Variants in ZC3HC1 observed in about 807,000 individuals in gnomAD.
The protein encoded by ZC3HC1 is zinc finger C3HC-type protein 1.
A neutral mutation model predicts 61.9 loss-of-function variants in ZC3HC1; 38 were observed. That is an observed-to-expected ratio of 0.61 (90% CI 0.47 to 0.81). The LOEUF (loss-of-function observed/expected upper bound fraction) is 0.81. ZC3HC1 is among the 30% of genes least tolerant of loss of function. The probability of loss-of-function intolerance (pLI) is 0.00; values close to 1 mark genes in which losing one functional copy is unlikely to be tolerated. For synonymous variants in ZC3HC1, 213 were observed against 229.9 expected, an observed-to-expected ratio of 0.93 and a Z score of 0.67; for missense variants, 554 against 622.7, an observed-to-expected ratio of 0.89 and a Z score of 1.17.
chr7:130,029,832 T>G (rs2116698734), intron 4 of ZC3HC1, among the ~76,000 whole-genome samples: 1 of 152,326 alleles, frequency 6.6e-6, no homozygotes, highest in African/African-American at 2.4e-5. Flanking sequence ...TACCAAGTTA[T>G]AACTTACTGT....
chr7:130,036,608 A>T (rs1347092322), intron 4 of ZC3HC1: 1 of 152,218 alleles, frequency 6.6e-6, no homozygotes, highest in Non-Finnish European at 1.5e-5. Context: ...AAAGAAATTT[A>T]ATTTAGCTTA....
chr7:130,025,870 C>CAAAAAAA (rs71175064), intron 6 of ZC3HC1, among the ~76,000 whole-genome samples: 8 of 58,566 alleles, frequency 1.4e-4, no homozygotes, highest in Admixed American at 5.5e-4. Context: ...GACTCCGTCT[C>CAAAAAAA]AAAAAAAAAA....
intron 4 of ZC3HC1, among the ~76,000 whole-genome samples, chr7:130,035,899 C>A (rs1794413664): frequency 6.6e-6 from 1 of 152,158 alleles, no homozygotes; most frequent in Non-Finnish European, 1.5e-5. Flanking sequence ...ACTTGAAGGT[C>A]TCAACACTTT....
rs1793680760 is a variant in ZC3HC1 at position 130,022,327 on chromosome 7, C to T, written c.1432G>A (p.Asp478Asn). 6.2e-7 allele frequency: 1 copy of T among 1,614,188 alleles called. No individual in the cohort carries two copies. Among genetic ancestry groups the T allele is most frequent in the Non-Finnish European group, 8.5e-7 (1 of 1,180,042 alleles). The part of the protein sequence containing the change: ...HKQSSQPAET[D>N]SMSLSEKSRK... The stretch of plus-strand genomic sequence containing the variant: ...GCAGTGGCGTATCTCACCATGGAGT[C>T]CGTTTCAGCTGGCTGGCTAGACTGT... The change falls in exon 9 of 10, where the codon GAC (aspartate) becomes AAC (asparagine). Residue 478 changes from aspartate to asparagine, a missense_variant. By Grantham distance (23) the Asp-to-Asn change is conservative. Coordinates refer to ENST00000358303, the MANE Select transcript of ZC3HC1 (RefSeq NM_016478.5).
rs150469842 is a variant in ZC3HC1, at chr7:130,036,443, T to G, written c.493+3021A>C. Among the ~76,000 whole-genome samples, 450 of 152,170 alleles carry G rather than the reference T, an allele frequency of 3.0e-3. 2 individuals carry two copies. The highest frequency in any genetic ancestry group is 0.01 in the African/African-American group (427 of 41,518). ...CAGGCATGGTGGCGGGCACCTGTAA[T>G]TCCAGCTACTCGGAAGGCTGAGGCA... On this transcript the variant is annotated intron_variant, in intron 4 of 9. Transcript: ENST00000358303.
At chr7:130,044,640 G>T (rs1320997718) in intron 2 of ZC3HC1, among the ~76,000 whole-genome samples, 1 of 152,176 alleles carries the variant, frequency 6.6e-6, no homozygotes, top group East Asian at 1.9e-4. Context: ...GTTTGATAAG[G>T]ACTGGGATAT....
intron 2 of ZC3HC1, among the ~76,000 whole-genome samples, chr7:130,046,124 C>T (rs756245633): frequency 4.0e-5 from 6 of 151,894 alleles, no homozygotes; most frequent in Non-Finnish European, 5.9e-5. Context: ...ATGAGGGGAA[C>T]GACATACACT....
chr7:130,030,303 A>C (rs1339520536), intron 4 of ZC3HC1, among the ~76,000 whole-genome samples: 5 of 151,100 alleles, frequency 3.3e-5, no homozygotes, highest in Admixed American at 6.6e-5. Context: ...AGGTTCAAGC[A>C]ATTCTCCTGC....
intron 5 of ZC3HC1, 158 bp from the exon 6 acceptor site, chr7:130,026,470 G>A (rs1017112657): frequency 2.9e-6 from 2 of 696,798 alleles, no homozygotes; most frequent in Admixed American, 6.2e-5. Flanking sequence ...CCAGGGACAG[G>A]GCTATAGTAT....
intron 6 of ZC3HC1, 69 bp from the exon 7 acceptor site, chr7:130,024,575 G>C (rs1793805650): frequency 6.6e-7 from 1 of 1,521,308 alleles, no homozygotes; most frequent in African/African-American, 1.4e-5. Context: ...GCAATGTCTT[G>C]TGAGTATGCC....
chr7:130,027,652 G>A (rs1261013326), intron 5 of ZC3HC1, among the ~76,000 whole-genome samples: 1 of 151,946 alleles, frequency 6.6e-6, no homozygotes, highest in Non-Finnish European at 1.5e-5. Context: ...CAGGTAGCTG[G>A]GACTACAGGC....
intron 9 of ZC3HC1, among the ~76,000 whole-genome samples, chr7:130,020,131 T>A (rs1035469320): frequency 2.0e-5 from 3 of 151,980 alleles, no homozygotes; most frequent in Admixed American, 1.3e-4. Flanking sequence ...CACAGTTTTT[T>A]AAAAATCTAT....
At chr7:130,046,813 G>T (rs1794884494) in intron 2 of ZC3HC1, among the ~76,000 whole-genome samples, 1 of 152,070 alleles carries the variant, frequency 6.6e-6, no homozygotes, top group South Asian at 2.1e-4. Context: ...TTTTGAGACG[G>T]AGTCTTCTCT....
intron 4 of ZC3HC1, among the ~76,000 whole-genome samples, chr7:130,035,527 C>CT (rs796101067): frequency 6.8e-5 from 10 of 147,674 alleles, no homozygotes; most frequent in East Asian, 2.0e-4. Context: ...TATATCAGCA[C>CT]TTTTTTTTTT....
At chr7:130,026,380 T>C in intron 5 of ZC3HC1, 68 bp from the exon 6 acceptor site, 3 of 1,521,866 alleles carry the variant, frequency 2.0e-6, no homozygotes, top group African/African-American at 1.4e-5. Flanking sequence ...CATTATAACA[T>C]ACCTAGATGG....
chr7:130,051,216 C>T lies in ZC3HC1; in HGVS notation c.146+5G>A. ...GCCGGACCCAGGGTTAACTCGTGAA[C>T]TCACGCGTCCACGCCTCCCTCTTCC... On this transcript the variant is annotated splice_donor_5th_base_variant and intron_variant, in intron 1 of 9. Coordinates refer to ENST00000358303, the MANE Select transcript of ZC3HC1 (RefSeq NM_016478.5). The T allele has an allele frequency of 6.2e-7, 1 of 1,604,270 alleles. No individual in the cohort carries two copies. Among genetic ancestry groups the T allele is most frequent in the Non-Finnish European group, 8.5e-7 (1 of 1,176,210 alleles).
intron 3 of ZC3HC1, 86 bp downstream of exon 3, chr7:130,040,865 T>TA: frequency 7.4e-7 from 1 of 1,345,208 alleles, no homozygotes; most frequent in South Asian, 1.6e-5. Context: ...TTGATCAAAC[T>TA]AAAATGACCT....
intron 2 of ZC3HC1, among the ~76,000 whole-genome samples, chr7:130,042,946 T>TTCCAATCCCA (rs1794735978): frequency 6.6e-6 from 1 of 152,124 alleles, no homozygotes; most frequent in African/African-American, 2.4e-5. Flanking sequence ...CGGCCTTCCA[T>TTCCAATCCCA]GGTGCTGGGA....
chr7:130,041,375 G>T (rs1312842130), intron 2 of ZC3HC1, among the ~76,000 whole-genome samples: 1 of 151,780 alleles, frequency 6.6e-6, no homozygotes, highest in Non-Finnish European at 1.5e-5. Flanking sequence ...TTTTGGTAGA[G>T]ATGGGGTTTC....
Sources: allele counts gnomAD v4.1 joint callset (sites outside exome capture counted in the v4.1 genomes callset), GRCh38; gene constraint gnomAD v4.1.1; transcripts MANE v1.5; gene names NCBI Gene and HGNC (gene_info 2026-07-23, HGNC 2026-07-21).